Variants in CAMSAP1 observed in about 807,000 individuals in gnomAD.
CAMSAP1 encodes calmodulin-regulated spectrin-associated protein 1.
In CAMSAP1, 58 loss-of-function variants were observed where a neutral mutation model predicts 143.5. That is an observed-to-expected ratio of 0.40 (90% CI 0.33 to 0.50). CAMSAP1 has a LOEUF of 0.50. CAMSAP1 is among the 20% of genes least tolerant of loss of function. The pLI, the probability that CAMSAP1 is intolerant of heterozygous loss-of-function variation, is 0.45. For synonymous variants in CAMSAP1, 945 were observed against 859.3 expected, an observed-to-expected ratio of 1.10 and a Z score of -1.74; for missense variants, 1,969 against 2,115.7, an observed-to-expected ratio of 0.93 and a Z score of 1.36.
chr9:135,863,532 T>G (rs1175604662), intron 4 of CAMSAP1, among the ~76,000 whole-genome samples: 1 of 152,164 alleles, frequency 6.6e-6, no homozygotes, highest in Non-Finnish European at 1.5e-5. Flanking sequence ...AAATGACTGA[T>G]TTCTGAGAGT....
intron 7 of CAMSAP1, among the ~76,000 whole-genome samples, chr9:135,848,262 G>A (rs1471566395): frequency 2.0e-5 from 3 of 152,016 alleles, no homozygotes; most frequent in South Asian, 2.1e-4. Context: ...GTGAGGAAGC[G>A]AGGTGACTTA....
chr9:135,812,499 G>T (rs961764483), intron 16 of CAMSAP1, among the ~76,000 whole-genome samples: 4 of 152,158 alleles, frequency 2.6e-5, no homozygotes, highest in Non-Finnish European at 5.9e-5. Flanking sequence ...CAAGAGCTTG[G>T]GCGCGGGAAG....
At chr9:135,843,054 G>A (rs767940137) in intron 7 of CAMSAP1, among the ~76,000 whole-genome samples, 11 of 152,104 alleles carry the variant, frequency 7.2e-5, no homozygotes, top group Non-Finnish European at 1.6e-4. Flanking sequence ...TGGGCCGGGT[G>A]TGGTGGCTCG....
chr9:135,837,212 T>C (rs932202547), intron 7 of CAMSAP1, among the ~76,000 whole-genome samples: 2 of 149,836 alleles, frequency 1.3e-5, no homozygotes, highest in African/African-American at 2.5e-5. Context: ...GAGACACACG[T>C]CACCACGGAC....
chr9:135,818,739 C>T lies in CAMSAP1; in HGVS notation c.3960-123G>A, dbSNP rs1408571042. On this transcript the variant is annotated intron_variant, in intron 12 of 16. Coordinates refer to ENST00000389532, the MANE Select transcript of CAMSAP1 (RefSeq NM_015447.4). The surrounding 1 kb of genome is among the most constrained non-coding windows in gnomAD (Gnocchi z 7.7). Reference sequence around the variant, plus strand: ...CCCGGCCGCTGGGACCAAGAGTGGCCAGCCTCCACAAGCGGGACACAGAGG... The same window carrying T: ...CCCGGCCGCTGGGACCAAGAGTGGCTAGCCTCCACAAGCGGGACACAGAGG... The T allele has an allele frequency of 1.6e-6, 2 of 1,241,882 alleles. No individual in the cohort carries two copies. The highest frequency in any genetic ancestry group is 2.4e-5 in the Admixed American group (1 of 41,552). 76.9% of individuals were successfully genotyped at this position (1,241,882 alleles called of 1,614,324 possible).
intron 7 of CAMSAP1, among the ~76,000 whole-genome samples, chr9:135,849,462 C>CA (rs1483381467): frequency 6.6e-6 from 1 of 152,180 alleles, no homozygotes; most frequent in African/African-American, 2.4e-5. Flanking sequence ...TTTCACAAAT[C>CA]AGTTAGGCAC....
intron 7 of CAMSAP1, among the ~76,000 whole-genome samples, chr9:135,835,932 A>G (rs1487042073): frequency 6.6e-6 from 1 of 152,206 alleles, no homozygotes; most frequent in East Asian, 1.9e-4. Context: ...GTGAGGTGAG[A>G]TTGTGCCACT....
intron 3 of CAMSAP1, among the ~76,000 whole-genome samples, chr9:135,870,774 G>A (rs926804039): frequency 6.6e-6 from 1 of 152,112 alleles, no homozygotes; most frequent in Non-Finnish European, 1.5e-5. Flanking sequence ...CAGCCTAGGT[G>A]ACAGAGCCAG....
chr9:135,872,882 G>C (rs1303406003), intron 3 of CAMSAP1, among the ~76,000 whole-genome samples: 1 of 152,152 alleles, frequency 6.6e-6, no homozygotes, highest in Non-Finnish European at 1.5e-5. Context: ...CCAAATGGCG[G>C]GTTACAAGTG....
chr9:135,903,999 G>A (rs1289845769), intron 1 of CAMSAP1, among the ~76,000 whole-genome samples: 2 of 152,142 alleles, frequency 1.3e-5, no homozygotes, highest in African/African-American at 2.4e-5. Flanking sequence ...GCTGAGCTGA[G>A]GCAAGTATTT....
At position 135,818,965 on chromosome 9, in the gene CAMSAP1, C is replaced by G; in HGVS notation, c.3959+45G>C. On this transcript the variant is annotated intron_variant, in intron 12 of 16. Transcript: ENST00000389532. This position sits in a 1 kb window ranked among gnomAD's most constrained non-coding sequence, Gnocchi z 7.7. ...CGGGACCGGGGCCGCCAGGGACCCA[C>G]CAGGCTCCTGCTCAGTCTGCTTTCC... 1.3e-6 allele frequency: 2 copies of G among 1,594,042 alleles called. No individual in the cohort carries two copies. Among genetic ancestry groups the G allele is most frequent in the Non-Finnish European group, 1.7e-6 (2 of 1,176,106 alleles).
At chr9:135,814,870 C>A (rs1203245704) in intron 16 of CAMSAP1, among the ~76,000 whole-genome samples, 1 of 152,212 alleles carries the variant, frequency 6.6e-6, no homozygotes, top group African/African-American at 2.4e-5. Flanking sequence ...AGCCTCTGAA[C>A]CCTGCCCCGT....
At chr9:135,825,347 A>G (rs1213119687) in intron 8 of CAMSAP1, among the ~76,000 whole-genome samples, 6 of 152,256 alleles carry the variant, frequency 3.9e-5, no homozygotes, top group Non-Finnish European at 2.9e-5. Context: ...AATTAAACCC[A>G]TCACAGACGG....
rs191207042 is a variant in CAMSAP1, at chr9:135,877,072, G to A, written c.585+4561C>T. 5.1e-3 allele frequency among the ~76,000 whole-genome samples: 772 copies of A among 151,976 alleles called. 20 individuals carry two copies. The highest frequency in any genetic ancestry group is 8.6e-3 in the South Asian group (41 of 4,788). ...TCCCTAGTAGCTTTATTCAAAACAGGCAAAAACTGGAAACAACCCAAGTGT... is the reference window on the plus strand; with the variant it reads ...TCCCTAGTAGCTTTATTCAAAACAGACAAAAACTGGAAACAACCCAAGTGT... On this transcript the variant is annotated intron_variant, in intron 3 of 16. Coordinates refer to ENST00000389532, the MANE Select transcript of CAMSAP1 (RefSeq NM_015447.4).
At position 135,827,495 on chromosome 9, in the gene CAMSAP1, C is replaced by G. The variant is rs1164269245; in HGVS notation, c.1135G>C (p.Gly379Arg). Residue 379 changes from glycine to arginine, a missense_variant, in exon 8 of 17, where the codon GGG becomes CGG. By Grantham distance (125) the Gly-to-Arg change is moderately radical. Transcript: ENST00000389532. ...GGGGGCTGCAGCTCAGCCAGGGTCC[C>G]TGCAGCAGGGCTGCCTAGGAAACTG... is the stretch of plus-strand genomic sequence containing the variant. ...KRSFLGSPAAGTLAELQPPVQ... is the reference protein window; with the variant it reads ...KRSFLGSPAARTLAELQPPVQ... The G allele has an allele frequency of 1.9e-6, 3 of 1,612,714 alleles. No homozygotes were observed.
At chr9:135,840,894 C>A (rs115522746) in intron 7 of CAMSAP1, among the ~76,000 whole-genome samples, 1,981 of 152,334 alleles carry the variant, frequency 0.013, 46 homozygotes, top group African/African-American at 0.045. Context: ...CACCAGGGCC[C>A]TGGGTTTCCA....
chr9:135,850,231 C>A lies in CAMSAP1; in HGVS notation c.951G>T (p.Pro317=), dbSNP rs35981196. 3.1e-6 allele frequency: 5 copies of A among 1,612,520 alleles called. No homozygotes were observed. In the East Asian group the frequency reaches 8.9e-5, roughly 29 times the overall value. The part of the protein sequence containing the change: ...DMLYAPLVLK[P]NVMVFIAELF... ...GCTCCGCAATAAAAACCATAACATTCGGCTAAAAGACAAAAACAAAAAACC... is the reference window on the plus strand; with the variant it reads ...GCTCCGCAATAAAAACCATAACATTAGGCTAAAAGACAAAAACAAAAAACC... The change falls in exon 7 of 17, where the codon CCG becomes CCT. Residue 317 remains proline, a splice_region_variant and synonymous_variant. Coordinates refer to ENST00000389532, the MANE Select transcript of CAMSAP1 (RefSeq NM_015447.4).
Position 135,892,848 on chromosome 9 carries a change from C to CAA in CAMSAP1, c.161-9772_161-9771dup, listed in dbSNP as rs59978082. Reference sequence around the variant, plus strand: ...CCTGGGCAACAGAGCAAGACTGTCTCAAAAAAAAAAAAAAAAAAAGAACTA... The same window carrying CAA: ...CCTGGGCAACAGAGCAAGACTGTCTCAAAAAAAAAAAAAAAAAAAAAGAACTA... On this transcript the variant is annotated intron_variant, in intron 1 of 16. Coordinates refer to ENST00000389532, the MANE Select transcript of CAMSAP1 (RefSeq NM_015447.4). Among the ~76,000 whole-genome samples the CAA allele has an allele frequency of 4.9e-3, 206 of 42,064 alleles. 22 individuals carry two copies. Among genetic ancestry groups the CAA allele is most frequent in the Middle Eastern group, 0.032 (2 of 62 alleles). 27.6% of individuals were successfully genotyped at this position (42,064 alleles called of 152,430 possible).
intron 3 of CAMSAP1, among the ~76,000 whole-genome samples, chr9:135,880,480 G>A (rs887800792): frequency 3.9e-5 from 6 of 152,166 alleles, no homozygotes; most frequent in Non-Finnish European, 8.8e-5. Flanking sequence ...GAAATGTAAG[G>A]AGTCTGCCCA....
Sources: allele counts gnomAD v4.1 joint callset (sites outside exome capture counted in the v4.1 genomes callset), GRCh38; gene constraint gnomAD v4.1.1; non-coding constraint Gnocchi (gnomAD v3.1); transcripts MANE v1.5; gene names NCBI Gene and HGNC (gene_info 2026-07-23, HGNC 2026-07-21).